The following TNFRSF11A variants were observed in gnomAD, a reference collection of about 807,000 sequenced individuals.
The protein encoded by TNFRSF11A is tumor necrosis factor receptor superfamily member 11A.
In TNFRSF11A, 32 loss-of-function variants were observed where a neutral mutation model predicts 55.7. That is an observed-to-expected ratio of 0.57 (90% CI 0.43 to 0.77). The LOEUF (loss-of-function observed/expected upper bound fraction) is 0.77, where lower values mean the gene tolerates loss of function less well. TNFRSF11A is among the 30% of genes least tolerant of loss of function. The probability of loss-of-function intolerance (pLI) is 0.00; values close to 1 mark genes in which losing one functional copy is unlikely to be tolerated. For synonymous variants in TNFRSF11A, 311 were observed against 331.0 expected (o/e 0.94, Z 0.65); for missense variants, 753 against 809.8 (o/e 0.93, Z 0.85).
intron 9 of TNFRSF11A, among the ~76,000 whole-genome samples, chr18:62,381,380 C>T (rs1234686846): frequency 4.6e-5 from 7 of 152,240 alleles, no homozygotes; most frequent in Non-Finnish European, 1.0e-4. Flanking sequence ...AAGTAAACAA[C>T]AATGGATTCA....
chr18:62,346,721 C>A (rs1455064954), intron 1 of TNFRSF11A, among the ~76,000 whole-genome samples: 14 of 152,206 alleles, frequency 9.2e-5, no homozygotes, highest in Admixed American at 9.2e-4. Flanking sequence ...ACTCAGCTAG[C>A]CTGGGCTTTC....
At chr18:62,343,313 CTT>C (rs1414570952) in intron 1 of TNFRSF11A, among the ~76,000 whole-genome samples, 1 of 152,234 alleles carries the variant, frequency 6.6e-6, no homozygotes, top group Non-Finnish European at 1.5e-5. Flanking sequence ...GGCCAAGCCT[CTT>C]TCTACATCGT....
chr18:62,369,107 T>C lies in TNFRSF11A; in HGVS notation c.1190T>C (p.Val397Ala). ...SQCFTGTQST[V>A]GSESCNCTEP... ...TGCTTCACGGGGACACAGAGCACAGTGGGTTCAGAAAGCTGCAACTGCACT... is the reference window on the plus strand; with the variant it reads ...TGCTTCACGGGGACACAGAGCACAGCGGGTTCAGAAAGCTGCAACTGCACT... Residue 397 changes from valine to alanine, a missense_variant, in exon 9 of 10, where the codon GTG (valine) becomes GCG (alanine). Val to Ala is a moderately conservative substitution (Grantham distance 64). Transcript: ENST00000586569. 1 of 1,614,082 alleles carries C rather than the reference T, an allele frequency of 6.2e-7. No homozygotes were observed. The highest frequency in any genetic ancestry group is 8.5e-7 in the Non-Finnish European group (1 of 1,180,040).
chr18:62,352,058 A>G (rs11660664), intron 3 of TNFRSF11A, among the ~76,000 whole-genome samples: 38,748 of 152,144 alleles, frequency 0.25, 6,282 homozygotes, highest in Non-Finnish European at 0.35. Flanking sequence ...GGCCTCCCAA[A>G]GCGCTGGGAT....
Position 62,361,758 on chromosome 18 carries a change from G to T in TNFRSF11A, c.695G>T (p.Gly232Val). 1 of 1,614,020 alleles carries T rather than the reference G, an allele frequency of 6.2e-7. No individual in the cohort carries two copies. The change falls in exon 7 of 10, where the codon GGC becomes GTC. Residue 232 changes from glycine to valine, a missense_variant. Gly to Val is a moderately radical substitution (Grantham distance 109). Transcript: ENST00000586569. ...GCCCTGGTGGCTGCCATCATCTTTG[G>T]CGTTTGCTATAGGAAAAAAGGGAAA... is the stretch of plus-strand genomic sequence containing the variant. ...SVALVAAIIFGVCYRKKGKAL... is the reference protein window; with the variant it reads ...SVALVAAIIFVVCYRKKGKAL...
chr18:62,342,410 A>AAAAAAAAAAAAC (rs2046326656), intron 1 of TNFRSF11A, among the ~76,000 whole-genome samples: 1 of 150,214 alleles, frequency 6.7e-6, no homozygotes. Flanking sequence ...TCAAAAAAAA[A>AAAAAAAAAAAAC]AAAAAAAAAA....
In TNFRSF11A at chr18:62,389,423, C is replaced by T. The variant is rs1303951615; in HGVS notation, c.*4389C>T. On this transcript the variant is annotated 3_prime_UTR_variant, in exon 10 of 10. Coordinates refer to ENST00000586569, the MANE Select transcript of TNFRSF11A (RefSeq NM_003839.4). Reference sequence around the variant, plus strand: ...AAGCCAAGTGGTGCAGGGGGAGCCGCCCTGGACCAACACCCCCATGGCTGC... The same window carrying T: ...AAGCCAAGTGGTGCAGGGGGAGCCGTCCTGGACCAACACCCCCATGGCTGC... 1 of 152,400 alleles carries T rather than the reference C, an allele frequency of 6.6e-6. No individual in the cohort carries two copies. Among genetic ancestry groups the T allele is most frequent in the Non-Finnish European group, 1.5e-5 (1 of 68,208 alleles). 9.4% of individuals were successfully genotyped at this position (152,400 alleles called of 1,614,324 possible).
rs995986737 is a variant in TNFRSF11A at position 62,383,705 on chromosome 18, G to C, written c.1568-1046G>C. Reference sequence around the variant, plus strand: ...TTGTTTGTTTTTCAAAAGGCCCGTTGCTGAAAGACTGGCCACATCTAGTCA... The same window carrying C: ...TTGTTTGTTTTTCAAAAGGCCCGTTCCTGAAAGACTGGCCACATCTAGTCA... On this transcript the variant is annotated intron_variant, in intron 9 of 9. Transcript: ENST00000586569. The surrounding 1 kb of genome is among the most constrained non-coding windows in gnomAD (Gnocchi z 4.2). Among the ~76,000 whole-genome samples the C allele has an allele frequency of 6.6e-6, 1 of 152,128 alleles. No individual in the cohort carries two copies. The highest frequency in any genetic ancestry group is 6.5e-5 in the Admixed American group (1 of 15,278).
At chr18:62,366,883 C>G in intron 8 of TNFRSF11A, 123 bp downstream of exon 8, 1 of 1,027,140 alleles carries the variant, frequency 9.7e-7, no homozygotes, top group Non-Finnish European at 1.5e-6. Context: ...GAGTCTCGCT[C>G]TGTGCCTCAG....
intron 9 of TNFRSF11A, among the ~76,000 whole-genome samples, chr18:62,371,699 C>G (rs181094828): frequency 2.7e-4 from 41 of 152,340 alleles, no homozygotes; most frequent in Admixed American, 2.6e-3. Flanking sequence ...GGAGGCTGTG[C>G]TATTCTCTCC....
chr18:62,367,358 A>G (rs966691461), intron 8 of TNFRSF11A: 1 of 156,494 alleles, frequency 6.4e-6, no homozygotes, highest in African/African-American at 2.4e-5. Context: ...CCTAAGAAGG[A>G]TGAACTGCAA....
chr18:62,338,882 A>G (rs2046272525), intron 1 of TNFRSF11A, among the ~76,000 whole-genome samples: 1 of 152,176 alleles, frequency 6.6e-6, no homozygotes, highest in Non-Finnish European at 1.5e-5. Context: ...CAGGCATAAA[A>G]AGAGCCTAAT....
Position 62,357,361 on chromosome 18 carries a change from C to T in TNFRSF11A, c.428-887C>T, listed in dbSNP as rs565930028. On this transcript the variant is annotated intron_variant, in intron 4 of 9. Transcript: ENST00000586569. ...CAGTAGAGGGAATAGGCATAGGAAA[C>T]CTGAGACATTTATTTTGACAGTGTA... is the stretch of plus-strand genomic sequence containing the variant. Among the ~76,000 whole-genome samples, 12 of 152,238 alleles carry T rather than the reference C, an allele frequency of 7.9e-5. No individual in the cohort carries two copies. The South Asian group carries it at 1.5e-3, about 18-fold the overall frequency.
intron 1 of TNFRSF11A, among the ~76,000 whole-genome samples, chr18:62,336,115 C>T (rs2046228947): frequency 6.6e-6 from 1 of 152,140 alleles, no homozygotes. Context: ...AGGTGGTTCT[C>T]AATGTCTATT....
intron 7 of TNFRSF11A, among the ~76,000 whole-genome samples, chr18:62,366,075 C>T (rs914148516): frequency 6.6e-6 from 1 of 152,216 alleles, no homozygotes; most frequent in Non-Finnish European, 1.5e-5. Flanking sequence ...GCCTTGGCCT[C>T]CCAAAGTGCT....
chr18:62,367,788 C>CTTTTTTTTTTTTTTTTTTTTTTTTTT (rs67721371), intron 8 of TNFRSF11A, among the ~76,000 whole-genome samples: 2 of 78,670 alleles, frequency 2.5e-5, no homozygotes, highest in Non-Finnish European at 4.6e-5. Flanking sequence ...TCTTCTTCTT[C>CTTTTTTTTTTTTTTTTTTTTTTTTTT]TTTTTTTTTT....
chr18:62,342,463 A>C (rs1265510577), intron 1 of TNFRSF11A, among the ~76,000 whole-genome samples: 1 of 147,900 alleles, frequency 6.8e-6, no homozygotes, highest in African/African-American at 2.5e-5. Flanking sequence ...TTTGTCATTT[A>C]ATTTTTTTGA....
rs1911940641 is a variant in TNFRSF11A at position 62,390,114 on chromosome 18, C to T, written c.*5080C>T. On this transcript the variant is annotated 3_prime_UTR_variant, in exon 10 of 10. Coordinates refer to ENST00000586569, the MANE Select transcript of TNFRSF11A (RefSeq NM_003839.4). ...CCCTGTCTCTGACACTTGTTCATTC[C>T]TGGGCTCAGGAGCCATCTCAGTCAT... The T allele has an allele frequency of 6.6e-6, 1 of 152,206 alleles. No individual in the cohort carries two copies. The highest frequency in any genetic ancestry group is 6.5e-5 in the Admixed American group (1 of 15,276). 9.4% of individuals were successfully genotyped at this position (152,206 alleles called of 1,614,324 possible). A position where few individuals can be genotyped will look rare whatever the true frequency, so the allele number is the denominator to read the frequency against.
chr18:62,335,446 C>G (rs1194569910), intron 1 of TNFRSF11A, among the ~76,000 whole-genome samples: 3 of 152,100 alleles, frequency 2.0e-5, no homozygotes, highest in Non-Finnish European at 4.4e-5. Flanking sequence ...AGACCAAGCA[C>G]CAGAAGGCAT....
Sources: allele counts gnomAD v4.1 joint callset (sites outside exome capture counted in the v4.1 genomes callset), GRCh38; gene constraint gnomAD v4.1.1; non-coding constraint Gnocchi (gnomAD v3.1); transcripts MANE v1.5; gene names NCBI Gene and HGNC (gene_info 2026-07-23, HGNC 2026-07-21).